STK17A: variants seen among roughly 807,000 people sequenced by gnomAD.
STK17A encodes the protein serine/threonine-protein kinase 17A.
In STK17A, 26 loss-of-function variants were observed where a neutral mutation model predicts 43.7. The ratio of observed to expected loss-of-function variants is 0.60; its 90% CI spans 0.44 to 0.83. The LOEUF is 0.83. Ranked by LOEUF, STK17A falls within the 40% of genes least tolerant of loss-of-function variation. The probability of loss-of-function intolerance (pLI) is 0.00; values close to 1 mark genes in which losing one functional copy is unlikely to be tolerated. For synonymous variants in STK17A, 191 were observed against 182.5 expected (o/e 1.05, Z -0.38); for missense variants, 476 against 511.6 (o/e 0.93, Z 0.67).
chr7:43,626,654 G>A lies in STK17A; in HGVS notation c.*1812G>A, dbSNP rs1473473406. ...TATCTCTCTGAAAAAATAGGGAGGA[G>A]GTGACCAGGAAAAAATAACCACTAT... On this transcript the variant is annotated 3_prime_UTR_variant, in exon 7 of 7. Coordinates refer to ENST00000319357, the MANE Select transcript of STK17A (RefSeq NM_004760.3). The A allele has an allele frequency of 6.6e-6, 1 of 152,008 alleles. No individual in the cohort carries two copies. Among genetic ancestry groups the A allele is most frequent in the African/African-American group, 2.4e-5 (1 of 41,350 alleles). The allele number at this position is 152,008 out of a possible 1,614,324, so 9.4% of individuals were successfully genotyped here.
chr7:43,583,894 C>T (rs73102723), intron 1 of STK17A, among the ~76,000 whole-genome samples: 22,505 of 152,160 alleles, frequency 0.15, 1,969 homozygotes, highest in Non-Finnish European at 0.2. Flanking sequence ...ATACAGCATC[C>T]GTTGTGACCG....
intron 3 of STK17A, among the ~76,000 whole-genome samples, chr7:43,617,543 T>C (rs2083462267): frequency 6.6e-6 from 1 of 152,176 alleles, no homozygotes; most frequent in Non-Finnish European, 1.5e-5. Flanking sequence ...TTCTGAGGGA[T>C]GATCATAGCA....
rs1299637684 is a variant in STK17A at position 43,583,289 on chromosome 7, G to T, written c.46G>T (p.Ala16Ser). The T allele has an allele frequency of 6.5e-7, 1 of 1,541,002 alleles. No individual in the cohort carries two copies. The highest frequency in any genetic ancestry group is 2.0e-5 in the Admixed American group (1 of 50,062). ...AGGCAGCGGCGGCTCCTCCCCAGGC[G>T]CCACCTCAGGCTCGGGCCGGGCAGG... Reference protein sequence around the residue: ...KPGSGGSSPGATSGSGRAGRG... With the variant: ...KPGSGGSSPGSTSGSGRAGRG... The change falls in exon 1 of 7, where the codon GCC (alanine) becomes TCC (serine). Residue 16 changes from alanine to serine, a missense_variant. This residue lies in a region of STK17A where 320 missense variants were observed against 326.3 expected (regional missense o/e 0.98). Transcript: ENST00000319357.
At chr7:43,583,504 TG>T in intron 1 of STK17A, 55 bp downstream of exon 1, 1 of 1,241,232 alleles carries the variant, frequency 8.1e-7, no homozygotes, top group Non-Finnish European at 1.0e-6. Context: ...GGGCGGGACG[TG>T]GGCGCCGATA....
rs2082412559 is a variant in STK17A, at chr7:43,583,247, A to T, written c.4A>T (p.Ile2Phe). The change falls in exon 1 of 7, where the codon ATC becomes TTC. Residue 2 changes from isoleucine to phenylalanine, a missense_variant. By Grantham distance (21) the Ile-to-Phe change is conservative. Transcript: ENST00000319357. ...GAAAGAAGCGGGCCTGAACACCATG[A>T]TCCCTTTGGAGAAGCCAGGCAGCGG... M[I>F]PLEKPGSGGS... The T allele has an allele frequency of 1.3e-6, 2 of 1,551,280 alleles. No homozygotes were observed.
intron 3 of STK17A, among the ~76,000 whole-genome samples, chr7:43,616,212 G>A (rs907915827): frequency 1.5e-4 from 23 of 152,096 alleles, no homozygotes; most frequent in South Asian, 2.1e-4. Flanking sequence ...TATATTTATC[G>A]CCTGAGCACT....
intron 2 of STK17A, among the ~76,000 whole-genome samples, chr7:43,605,072 A>C (rs1239208360): frequency 6.6e-6 from 1 of 152,090 alleles, no homozygotes; most frequent in Non-Finnish European, 1.5e-5. Context: ...TTATGTTCAT[A>C]TTTTACTTTA....
chr7:43,591,552 G>C (rs1258388242), intron 1 of STK17A, among the ~76,000 whole-genome samples: 2 of 151,426 alleles, frequency 1.3e-5, no homozygotes, highest in African/African-American at 4.8e-5. Context: ...AATAAATCTA[G>C]AACTGTGAGG....
chr7:43,616,717 G>A (rs898143237), intron 3 of STK17A, among the ~76,000 whole-genome samples: 4 of 152,106 alleles, frequency 2.6e-5, no homozygotes, highest in African/African-American at 7.2e-5. Context: ...CTAACACGGT[G>A]AAACCCCGTC....
chr7:43,591,811 C>A (rs1444661860), intron 1 of STK17A, among the ~76,000 whole-genome samples: 1 of 151,562 alleles, frequency 6.6e-6, no homozygotes, highest in Admixed American at 6.6e-5. Context: ...AGGTTTTGAT[C>A]TTTCATTCTA....
intron 1 of STK17A, among the ~76,000 whole-genome samples, chr7:43,585,621 G>A (rs1312413175): frequency 1.3e-5 from 2 of 151,484 alleles, no homozygotes; most frequent in African/African-American, 4.8e-5. Flanking sequence ...TCGCATAGGA[G>A]TTTAATGCAG....
Position 43,623,828 on chromosome 7 carries a change from T to C in STK17A, c.860T>C (p.Phe287Ser). Residue 287 changes from phenylalanine (F) to serine (S), a missense_variant, in exon 6 of 7, where the codon TTT (phenylalanine) becomes TCT (serine). Around this residue, in one of 3 missense-constraint regions of STK17A, gnomAD observed 46 missense variants for 81.6 expected, o/e 0.56. Coordinates refer to ENST00000319357, the MANE Select transcript of STK17A (RefSeq NM_004760.3). ...AATTTAAGTTATTCTGAGGAAGAAT[T>C]TGATGTTTTGTCTGAGTCGGCTGTT... ...QMNLSYSEEEFDVLSESAVDF... is the reference protein window; with the variant it reads ...QMNLSYSEEESDVLSESAVDF... The C allele has an allele frequency of 6.2e-7, 1 of 1,601,940 alleles. No homozygotes were observed. Among genetic ancestry groups the C allele is most frequent in the Non-Finnish European group, 8.5e-7 (1 of 1,176,298 alleles).
intron 3 of STK17A, among the ~76,000 whole-genome samples, chr7:43,618,069 A>G (rs1188873973): frequency 6.6e-6 from 1 of 152,264 alleles, no homozygotes; most frequent in Non-Finnish European, 1.5e-5. Flanking sequence ...ATGGAGGGGC[A>G]GAATATGAAT....
chr7:43,583,625 C>CA (rs1174744396), intron 1 of STK17A, among the ~76,000 whole-genome samples, 176 bp downstream of exon 1: 1 of 152,200 alleles, frequency 6.6e-6, no homozygotes, highest in African/African-American at 2.4e-5. Context: ...AGCCGAGTCG[C>CA]ACCAGCGCCC....
chr7:43,613,394 T>C (rs1199318838), intron 3 of STK17A, among the ~76,000 whole-genome samples: 1 of 152,232 alleles, frequency 6.6e-6, no homozygotes, highest in African/African-American at 2.4e-5. Context: ...TTAGGTTATA[T>C]GCAAATACTG....
At chr7:43,607,763 G>A (rs1298972339) in intron 2 of STK17A, among the ~76,000 whole-genome samples, 2 of 152,056 alleles carry the variant, frequency 1.3e-5, no homozygotes, top group Non-Finnish European at 2.9e-5. Context: ...ATAGTAATGG[G>A]CTGAGGAACT....
chr7:43,608,345 T>C lies in STK17A; in HGVS notation c.509T>C (p.Ile170Thr), dbSNP rs1344351458. Reference protein sequence around the residue: ...EKDVQRLMRQILEGVHFLHTR... With the variant: ...EKDVQRLMRQTLEGVHFLHTR... ...GATGTTCAAAGACTTATGCGACAGA[T>C]TTTAGAAGGTGTTCACTTTTTACAC... is the stretch of plus-strand genomic sequence containing the variant. Residue 170 changes from isoleucine to threonine, a missense_variant, in exon 3 of 7, where the codon ATT (isoleucine) becomes ACT (threonine). This residue lies in a region of STK17A where 320 missense variants were observed against 326.3 expected (regional missense o/e 0.98). Transcript: ENST00000319357. 1 of 1,614,066 alleles carries C rather than the reference T, an allele frequency of 6.2e-7. No homozygotes were observed. Among genetic ancestry groups the C allele is most frequent in the Non-Finnish European group, 8.5e-7 (1 of 1,179,998 alleles).
intron 4 of STK17A, chr7:43,622,411 T>A (rs1018038717): frequency 6.6e-6 from 1 of 152,212 alleles, no homozygotes; most frequent in Non-Finnish European, 1.5e-5. Context: ...GAGTATTTCG[T>A]TTTTTCATAG....
intron 3 of STK17A, among the ~76,000 whole-genome samples, chr7:43,617,327 G>A (rs2083446196): frequency 6.6e-6 from 1 of 152,280 alleles, no homozygotes; most frequent in South Asian, 2.1e-4. Context: ...CTTCAATGTG[G>A]GCAAAACAGA....
Sources: allele counts gnomAD v4.1 joint callset (sites outside exome capture counted in the v4.1 genomes callset), GRCh38; gene constraint gnomAD v4.1.1; regional missense constraint gnomAD v4.1.1; transcripts MANE v1.5; gene names NCBI Gene and HGNC (gene_info 2026-07-23, HGNC 2026-07-21).